GABRA1: variants seen among roughly 807,000 people sequenced by gnomAD.
The protein encoded by GABRA1 is gamma-aminobutyric acid type A receptor subunit alpha1, also known as gamma-aminobutyric acid receptor subunit alpha-1.
GABRA1 carries 9 observed loss-of-function variants against 48.9 expected under a neutral mutation model. The ratio of observed to expected loss-of-function variants is 0.18; its 90% CI spans 0.11 to 0.32. GABRA1 has a LOEUF of 0.32. Ranked by LOEUF, GABRA1 falls within the 10% of genes least tolerant of loss-of-function variation. The pLI, the probability that GABRA1 is intolerant of heterozygous loss-of-function variation, is 1.00. For missense variants in GABRA1, 285 were observed against 553.8 expected, an observed-to-expected ratio of 0.51 and a Z score of 4.87; for synonymous variants, 210 against 198.7, an observed-to-expected ratio of 1.06 and a Z score of -0.48.
At chr5:161,889,593 T>C (rs1463510914) in intron 7 of GABRA1, among the ~76,000 whole-genome samples, 2 of 152,074 alleles carry the variant, frequency 1.3e-5, no homozygotes, top group Admixed American at 6.6e-5. Flanking sequence ...GGCCAATATA[T>C]TGAGATGTTG....
At chr5:161,854,731 T>C (rs1757581505) in intron 3 of GABRA1, among the ~76,000 whole-genome samples, 1 of 151,628 alleles carries the variant, frequency 6.6e-6, no homozygotes, top group African/African-American at 2.4e-5. Flanking sequence ...TCTAGGATAA[T>C]AGGGGAATGA....
intron 6 of GABRA1, among the ~76,000 whole-genome samples, chr5:161,877,682 A>G (rs1392425639): frequency 2.0e-5 from 3 of 152,234 alleles, no homozygotes; most frequent in African/African-American, 7.2e-5. Flanking sequence ...AATATTTTTA[A>G]TTGGACACAT....
At chr5:161,859,313 C>T (rs1325345999) in intron 3 of GABRA1, among the ~76,000 whole-genome samples, 6 of 151,608 alleles carry the variant, frequency 4.0e-5, no homozygotes, top group African/African-American at 1.2e-4. Context: ...ACCTTTAAGA[C>T]TAACCTTTAG....
At chr5:161,872,561 A>G (rs939688221) in intron 4 of GABRA1, among the ~76,000 whole-genome samples, 1 of 152,156 alleles carries the variant, frequency 6.6e-6, no homozygotes, top group African/African-American at 2.4e-5. Flanking sequence ...AGGATAATTG[A>G]AAGTCTATAT....
chr5:161,882,377 TAA>T (rs11317877), intron 6 of GABRA1, 179 bp from the exon 7 acceptor site: 14,901 of 387,764 alleles, frequency 0.038, 1 homozygote, highest in Middle Eastern at 0.06. Context: ...AATAAATGAC[TAA>T]AAAAAAAAAA....
At chr5:161,869,566 G>A (rs1754020277) in intron 4 of GABRA1, among the ~76,000 whole-genome samples, 3 of 152,176 alleles carry the variant, frequency 2.0e-5, no homozygotes, top group African/African-American at 7.2e-5. Context: ...TATCCAGGCA[G>A]TACAATCACA....
At chr5:161,892,733 C>A (rs931584274) in intron 8 of GABRA1, among the ~76,000 whole-genome samples, 3 of 152,002 alleles carry the variant, frequency 2.0e-5, no homozygotes, top group Non-Finnish European at 4.4e-5. Context: ...AGGCCGGGCA[C>A]GGGGCCCACG....
chr5:161,895,565 C>CATGATACTG, intron 8 of GABRA1, 101 bp from the exon 9 acceptor site: 1 of 1,066,308 alleles, frequency 9.4e-7, no homozygotes, highest in Non-Finnish European at 1.4e-6. Flanking sequence ...CACATTCTGT[C>CATGATACTG]ATGATACTGT....
At position 161,895,646 on chromosome 5, in the gene GABRA1, GTT is replaced by G. The variant is rs3214859; in HGVS notation, c.857-10_857-9del. 6 of 1,291,092 alleles carry G rather than the reference GTT, an allele frequency of 4.6e-6. No individual in the cohort carries two copies. The highest frequency in any genetic ancestry group is 6.5e-6 in the Non-Finnish European group (6 of 928,284). 80.0% of individuals were successfully genotyped at this position (1,291,092 alleles called of 1,614,324 possible). A position where few individuals can be genotyped will look rare whatever the true frequency, so the allele number is the denominator to read the frequency against. On this transcript the variant is annotated intron_variant, in intron 8 of 9. Transcript: ENST00000393943. ...CACAGTATGAACTGGCATCATGTATGTTTTTTTTTTTCTTTACAGGAGTAACA... is the reference window on the plus strand; with the variant it reads ...CACAGTATGAACTGGCATCATGTATGTTTTTTTTTCTTTACAGGAGTAACA...
At position 161,899,358 on chromosome 5, in the gene GABRA1, A is replaced by G. The variant is rs1421918555; in HGVS notation, c.*1936A>G. ...TGAATCAAAGACATTTCATCCACCA[A>G]TATCATGTGTAGATATTATGTATAG... On this transcript the variant is annotated 3_prime_UTR_variant, in exon 10 of 10. Coordinates refer to ENST00000393943, the MANE Select transcript of GABRA1 (RefSeq NM_001127644.2). The G allele has an allele frequency of 3.3e-5, 5 of 152,564 alleles. No homozygotes were observed. The highest frequency in any genetic ancestry group is 7.4e-5 in the Non-Finnish European group (5 of 67,994). The allele number at this position is 152,564 out of a possible 1,614,324, so 9.5% of individuals were successfully genotyped here.
At chr5:161,894,363 T>G (rs1298668890) in intron 8 of GABRA1, among the ~76,000 whole-genome samples, 1 of 152,200 alleles carries the variant, frequency 6.6e-6, no homozygotes, top group Non-Finnish European at 1.5e-5. Context: ...AATACTGACA[T>G]GTAAATTCAG....
chr5:161,873,421 A>G (rs545801094), intron 5 of GABRA1, 84 bp downstream of exon 5: 1 of 1,078,840 alleles, frequency 9.3e-7, no homozygotes, highest in Non-Finnish European at 1.4e-6. Context: ...CTGATGAGCC[A>G]TGGTGGAATA....
chr5:161,860,226 C>A (rs942599842), intron 3 of GABRA1, among the ~76,000 whole-genome samples: 2 of 151,826 alleles, frequency 1.3e-5, no homozygotes, highest in Admixed American at 6.6e-5. Context: ...AAGGAATGTT[C>A]TAGCGTGTTT....
intron 7 of GABRA1, among the ~76,000 whole-genome samples, chr5:161,887,294 G>T (rs1754892168): frequency 6.6e-6 from 1 of 152,094 alleles, no homozygotes; most frequent in Non-Finnish European, 1.5e-5. Flanking sequence ...ACCCAGAAGG[G>T]TCAAGATAAT....
intron 6 of GABRA1, among the ~76,000 whole-genome samples, chr5:161,877,259 A>C (rs566253027): frequency 6.6e-6 from 1 of 152,304 alleles, no homozygotes; most frequent in East Asian, 1.9e-4. Context: ...ATAAATACTA[A>C]TAATTCCCCC....
chr5:161,880,012 A>G (rs1383051083), intron 6 of GABRA1, among the ~76,000 whole-genome samples: 1 of 152,218 alleles, frequency 6.6e-6, no homozygotes, highest in Non-Finnish European at 1.5e-5. Flanking sequence ...TTCATCACTA[A>G]TTGCACAACC....
rs546813856 is a variant in GABRA1 at position 161,850,407 on chromosome 5, A to G, written c.-15-389A>G. 9.5e-6 allele frequency: 4 copies of G among 420,022 alleles called. No homozygotes were observed. The East Asian group carries it at 1.4e-4, about 14-fold the overall frequency. The allele number at this position is 420,022 out of a possible 1,614,324, so 26.0% of individuals were successfully genotyped here. On this transcript the variant is annotated intron_variant, in intron 1 of 9. Coordinates refer to ENST00000393943, the MANE Select transcript of GABRA1 (RefSeq NM_001127644.2). ...CACCAGCTTAAAAATTTTAATGCAC[A>G]GTTCACTGTGGAAACTGAAATCTTA...
At chr5:161,850,518 AC>A (rs1757398630) in intron 1 of GABRA1, 1 of 526,160 alleles carries the variant, frequency 1.9e-6, no homozygotes, top group East Asian at 2.9e-5. Flanking sequence ...TAAACAACTC[AC>A]AGTTTTTATG....
chr5:161,895,199 T>C (rs1485914360), intron 8 of GABRA1, among the ~76,000 whole-genome samples: 1 of 152,116 alleles, frequency 6.6e-6, no homozygotes, highest in Admixed American at 6.5e-5. Flanking sequence ...AGTTCAATTA[T>C]CTATAAATTA....
Sources: gnomAD v4.1 joint callset for allele counts (sites outside exome capture counted in the v4.1 genomes callset) on GRCh38, gnomAD v4.1.1 for gene constraint, MANE v1.5 for transcripts, NCBI Gene and HGNC (gene_info 2026-07-23, HGNC 2026-07-21) for gene names.